The following AR variants were observed in gnomAD, a reference collection of about 807,000 sequenced individuals.
AR encodes the protein androgen receptor.
In AR, 8 loss-of-function variants were observed where a neutral mutation model predicts 53.9. That is an observed-to-expected ratio of 0.15 (90% confidence interval 0.09 to 0.27). AR has a LOEUF of 0.27. AR is among the 10% of genes least tolerant of loss of function. The probability of loss-of-function intolerance (pLI) is 1.00; values close to 1 mark genes in which losing one functional copy is unlikely to be tolerated. For missense variants in AR, 639 were observed against 742.5 expected (o/e 0.86, Z 1.62); for synonymous variants, 359 against 316.4 (o/e 1.13, Z -1.43).
At chrX:67,668,973 A>G (rs1927405669) in intron 2 of AR, among the ~76,000 whole-genome samples, 1 of 110,842 alleles carries the variant, frequency 9.0e-6, no homozygotes, top group Non-Finnish European at 1.9e-5. Context: ...ATATTTGTCA[A>G]TGTTGTTTGT....
At chrX:67,719,507 C>A (rs552859219) in intron 5 of AR, among the ~76,000 whole-genome samples, 3 of 111,503 alleles carry the variant, frequency 2.7e-5, no homozygotes, top group African/African-American at 9.8e-5. Flanking sequence ...GGCCTCCCTA[C>A]GGGGTCAGAG....
chrX:67,690,292 C>A (rs1376716002), intron 3 of AR, among the ~76,000 whole-genome samples: 2 of 111,997 alleles, frequency 1.8e-5, no homozygotes, highest in Non-Finnish European at 3.8e-5. Flanking sequence ...GTTTTGACAA[C>A]CTCTGTGAAT....
chrX:67,554,655 G>A (rs777126361), intron 1 of AR, among the ~76,000 whole-genome samples: 1 of 111,607 alleles, frequency 9.0e-6, no homozygotes, highest in Admixed American at 9.5e-5. Context: ...AAAGAATCTG[G>A]CCGGGCATGG....
At chrX:67,707,739 G>T (rs1182896524) in intron 3 of AR, among the ~76,000 whole-genome samples, 7 of 111,848 alleles carry the variant, frequency 6.3e-5, no homozygotes, top group African/African-American at 2.0e-4. Flanking sequence ...TCCTAGCCTC[G>T]ATGGTCTTTA....
At chrX:67,673,269 T>A (rs1198841135) in intron 2 of AR, among the ~76,000 whole-genome samples, 4 of 110,376 alleles carry the variant, frequency 3.6e-5, no homozygotes, top group Non-Finnish European at 5.7e-5. Flanking sequence ...CTTCTTCGTG[T>A]TCTTGTACTT....
intron 1 of AR, among the ~76,000 whole-genome samples, chrX:67,625,173 A>G (rs994536209): frequency 1.8e-5 from 2 of 111,280 alleles, no homozygotes; most frequent in Non-Finnish European, 3.8e-5. Flanking sequence ...TCACAATATA[A>G]TCAAAATACC....
intron 1 of AR, among the ~76,000 whole-genome samples, chrX:67,586,957 G>A (rs767257238): frequency 2.0e-4 from 22 of 112,181 alleles, no homozygotes; most frequent in Admixed American, 1.7e-3. Context: ...CTTGCCAAGT[G>A]AGAATATTAG....
intron 1 of AR, among the ~76,000 whole-genome samples, chrX:67,610,709 A>G (rs1188895623): frequency 8.9e-6 from 1 of 111,926 alleles, no homozygotes; most frequent in Non-Finnish European, 1.9e-5. Context: ...AGGTTGCACA[A>G]CTTTCAATTG....
intron 1 of AR, among the ~76,000 whole-genome samples, chrX:67,552,107 G>T (rs1200060069): frequency 8.9e-6 from 1 of 111,765 alleles, no homozygotes; most frequent in Non-Finnish European, 1.9e-5. Context: ...TCAGAGTTGT[G>T]CAACCATTAT....
chrX:67,654,303 A>T (rs1485481476), intron 2 of AR, among the ~76,000 whole-genome samples: 1 of 111,377 alleles, frequency 9.0e-6, no homozygotes, highest in East Asian at 2.8e-4. Context: ...GGTAGGCCGA[A>T]AGAGCAAATA....
chrX:67,557,408 G>T (rs994177579), intron 1 of AR, among the ~76,000 whole-genome samples: 2 of 112,132 alleles, frequency 1.8e-5, no homozygotes, highest in African/African-American at 6.5e-5. Flanking sequence ...ATGTAGAGCA[G>T]GTGCATGGGC....
At chrX:67,631,250 C>T (rs1057219949) in intron 1 of AR, among the ~76,000 whole-genome samples, 10 of 111,714 alleles carry the variant, frequency 9.0e-5, no homozygotes, top group Non-Finnish European at 1.7e-4. Context: ...AACTTGGTTC[C>T]ATTCTCCCCG....
Position 67,569,158 on chromosome X carries a change from T to C in AR, c.1616+22396T>C, listed in dbSNP as rs1300821513. ...TCTAGACTAGCTTGCTTGAATATCTTAGCATGTTGACTAATTTGGGGCAGA... is the reference window on the plus strand; with the variant it reads ...TCTAGACTAGCTTGCTTGAATATCTCAGCATGTTGACTAATTTGGGGCAGA... On this transcript the variant is annotated intron_variant, in intron 1 of 7. Coordinates refer to ENST00000374690, the MANE Select transcript of AR (RefSeq NM_000044.6). The C allele has an allele frequency of 7.9e-6, 4 of 503,785 alleles. No homozygotes were observed. In the African/African-American group the frequency reaches 1.1e-4, roughly 14 times the overall value. 41.5% of individuals were successfully genotyped at this position (503,785 alleles called of 1,213,427 possible).
intron 2 of AR, among the ~76,000 whole-genome samples, chrX:67,682,631 A>G (rs1424180936): frequency 4.5e-5 from 5 of 111,326 alleles, no homozygotes; most frequent in Non-Finnish European, 9.4e-5. Flanking sequence ...ATCAAATGAG[A>G]GTGATTATTG....
Position 67,723,988 on chromosome X carries a change from T to C in AR, c.*147T>C, listed in dbSNP as rs772617461. ...CTGTCATGAACATGTTCCTGAATTC[T>C]ATTTGCTGGGCTTTTTTTTTCTCTT... On this transcript the variant is annotated 3_prime_UTR_variant, in exon 8 of 8. Coordinates refer to ENST00000374690, the MANE Select transcript of AR (RefSeq NM_000044.6). 6.6e-4 allele frequency: 537 copies of C among 808,634 alleles called. 3 individuals are homozygous for C. The highest frequency in any genetic ancestry group is 1.5e-3 in the South Asian group (59 of 38,815). The allele number at this position is 808,634 out of a possible 1,213,427, so 66.6% of individuals were successfully genotyped here.
intron 1 of AR, among the ~76,000 whole-genome samples, chrX:67,628,979 G>T (rs1164402125): frequency 2.7e-5 from 3 of 111,627 alleles, no homozygotes; most frequent in African/African-American, 9.8e-5. Flanking sequence ...GCATCCCAAG[G>T]ATGAAGCCCA....
intron 2 of AR, among the ~76,000 whole-genome samples, chrX:67,669,210 T>C (rs1164033356): frequency 9.0e-6 from 1 of 111,670 alleles, no homozygotes; most frequent in Non-Finnish European, 1.9e-5. Flanking sequence ...TTGCTTTTGC[T>C]GTATCCCATA....
chrX:67,712,341 A>G (rs1221450180), intron 4 of AR, among the ~76,000 whole-genome samples: 1 of 112,430 alleles, frequency 8.9e-6, no homozygotes, highest in Non-Finnish European at 1.9e-5. Context: ...AGGAATCATA[A>G]TGAGAGGAAA....
At chrX:67,693,984 G>T (rs776988217) in intron 3 of AR, among the ~76,000 whole-genome samples, 22 of 111,623 alleles carry the variant, frequency 2.0e-4, no homozygotes, top group East Asian at 5.7e-4. Flanking sequence ...AGAAAACTTG[G>T]ACTGGCATTT....
Sources: allele counts gnomAD v4.1 joint callset (sites outside exome capture counted in the v4.1 genomes callset), GRCh38; gene constraint gnomAD v4.1.1; transcripts MANE v1.5; gene names NCBI Gene and HGNC (gene_info 2026-07-23, HGNC 2026-07-21).